Variants in LRBA observed in about 807,000 individuals in gnomAD.
LRBA encodes the protein LPS responsive beige-like anchor protein.
In LRBA, 176 loss-of-function variants were observed where a neutral mutation model predicts 330.0. That is an observed-to-expected ratio of 0.53 (90% CI 0.47 to 0.60). The LOEUF is 0.60. Ranked by LOEUF, LRBA falls within the 20% of genes least tolerant of loss-of-function variation. The pLI is 0.00. For synonymous variants in LRBA, 1,230 were observed against 1,193.0 expected (o/e 1.03, Z -0.64); for missense variants, 3,259 against 3,444.8 (o/e 0.95, Z 1.35).
intron 36 of LRBA, among the ~76,000 whole-genome samples, chr4:150,689,783 G>C (rs987048174): frequency 6.6e-6 from 1 of 152,032 alleles, no homozygotes; most frequent in Admixed American, 6.6e-5. Flanking sequence ...AAATTAGCCC[G>C]GTGTGGTGGC....
At chr4:150,844,588 T>A in intron 27 of LRBA, 70 bp downstream of exon 27, 1 of 1,385,700 alleles carries the variant, frequency 7.2e-7, no homozygotes. Flanking sequence ...TATGTTGAAA[T>A]GAACAAATAA....
At position 150,459,604 on chromosome 4, in the gene LRBA, T is replaced by A. The variant is rs937980437; in HGVS notation, c.6780+8069A>T. 2.0e-5 allele frequency among the ~76,000 whole-genome samples: 3 copies of A among 152,058 alleles called. No individual in the cohort carries two copies. In the East Asian group the frequency reaches 5.8e-4, roughly 29 times the overall value. ...AAGGAATTAAATGAAACAGCATATG[T>A]AAAATGCCTGTCATAGTGGAAAGCA... is the stretch of plus-strand genomic sequence containing the variant. On this transcript the variant is annotated intron_variant, in intron 44 of 56. Coordinates refer to ENST00000651943, the MANE Select transcript of LRBA (RefSeq NM_001364905.1).
chr4:150,403,759 C>A (rs923094974), intron 47 of LRBA, among the ~76,000 whole-genome samples: 2 of 152,128 alleles, frequency 1.3e-5, no homozygotes, highest in Non-Finnish European at 2.9e-5. Context: ...CGGTGGCTCA[C>A]ACCTGTAATC....
chr4:150,485,434 T>C (rs1025104475), intron 42 of LRBA, among the ~76,000 whole-genome samples: 1 of 151,972 alleles, frequency 6.6e-6, no homozygotes, highest in African/African-American at 2.4e-5. Context: ...AGCTATATAT[T>C]GAAGAGCTAC....
chr4:150,885,566 A>AGC (rs1029014383), intron 17 of LRBA, among the ~76,000 whole-genome samples: 1 of 152,152 alleles, frequency 6.6e-6, no homozygotes, highest in Admixed American at 6.6e-5. Flanking sequence ...GGTTGTAGTG[A>AGC]GCCAAGACCA....
At chr4:150,969,864 T>C (rs941144891) in intron 2 of LRBA, among the ~76,000 whole-genome samples, 1 of 152,192 alleles carries the variant, frequency 6.6e-6, no homozygotes, top group Non-Finnish European at 1.5e-5. Flanking sequence ...TAAATTTAGT[T>C]GATAACGCAG....
intron 28 of LRBA, among the ~76,000 whole-genome samples, chr4:150,836,357 AAT>A (rs1748075474): frequency 6.6e-6 from 1 of 152,040 alleles, no homozygotes; most frequent in African/African-American, 2.4e-5. Context: ...TATTGATTGG[AAT>A]AGTTTCAGAA....
intron 37 of LRBA, among the ~76,000 whole-genome samples, chr4:150,621,424 A>T (rs1344580854): frequency 6.6e-6 from 1 of 152,218 alleles, no homozygotes; most frequent in Non-Finnish European, 1.5e-5. Flanking sequence ...ACTACATAAT[A>T]GTACTATAAA....
intron 48 of LRBA, among the ~76,000 whole-genome samples, chr4:150,330,583 GCAAC>G (rs1561023752): frequency 6.6e-6 from 1 of 152,110 alleles, no homozygotes; most frequent in Non-Finnish European, 1.5e-5. Context: ...TAGGGAGCGT[GCAAC>G]CGAGATCCCT....
At chr4:150,726,394 C>T (rs1273528066) in intron 36 of LRBA, among the ~76,000 whole-genome samples, 1 of 151,992 alleles carries the variant, frequency 6.6e-6, no homozygotes, top group South Asian at 2.1e-4. Flanking sequence ...TAAAAAGAGA[C>T]AAAGACGGTC....
chr4:150,665,340 G>A (rs1271857801), intron 37 of LRBA, among the ~76,000 whole-genome samples: 1 of 152,184 alleles, frequency 6.6e-6, no homozygotes, highest in Non-Finnish European at 1.5e-5. Context: ...TCTAAGCACA[G>A]TGAGCCACTC....
chr4:150,741,271 C>T lies in LRBA; in HGVS notation c.5646-5905G>A, dbSNP rs575190827. Among the ~76,000 whole-genome samples, 8 of 152,066 alleles carry T rather than the reference C, an allele frequency of 5.3e-5. No homozygotes were observed. The East Asian group carries it at 5.8e-4, about 11-fold the overall frequency. On this transcript the variant is annotated intron_variant, in intron 35 of 56. Coordinates refer to ENST00000651943, the MANE Select transcript of LRBA (RefSeq NM_001364905.1). ...ATATACTTGGAAAAATTACAACCAA[C>T]GAGGAACTGCTATCTTAAATATATT...
intron 36 of LRBA, among the ~76,000 whole-genome samples, chr4:150,733,158 A>C (rs1730692168): frequency 6.6e-6 from 1 of 152,102 alleles, no homozygotes; most frequent in South Asian, 2.1e-4. Context: ...TGACTTGAGA[A>C]AAATGAACAT....
chr4:150,561,413 C>A (rs951421876), intron 40 of LRBA, among the ~76,000 whole-genome samples: 16 of 152,234 alleles, frequency 1.1e-4, no homozygotes, highest in South Asian at 6.2e-4. Context: ...ATTACAGTTG[C>A]AAATGGAATA....
At chr4:150,503,998 G>A (rs1282865909) in intron 40 of LRBA, among the ~76,000 whole-genome samples, 1 of 152,196 alleles carries the variant, frequency 6.6e-6, no homozygotes, top group Non-Finnish European at 1.5e-5. Context: ...ATCAGTGATG[G>A]AAGACAAAAC....
At position 150,893,121 on chromosome 4, in the gene LRBA, A is replaced by G; in HGVS notation, c.2096T>C (p.Leu699Pro). 6.2e-7 allele frequency: 1 copy of G among 1,611,656 alleles called. No homozygotes were observed. ...GTGTTCTGACATTAATGCAACAAGC[A>G]GCTGTAGGACATCCATTAGATTGTC... Reference protein sequence around the residue: ...EDDNLMDVLQLLVALMSEHPN... With the variant: ...EDDNLMDVLQPLVALMSEHPN... The change falls in exon 17 of 57, where the codon CTG becomes CCG. Residue 699 changes from leucine (L) to proline (P), a missense_variant. Coordinates refer to ENST00000651943, the MANE Select transcript of LRBA (RefSeq NM_001364905.1).
At chr4:150,891,118 A>C (rs1190849070) in intron 17 of LRBA, among the ~76,000 whole-genome samples, 1 of 152,214 alleles carries the variant, frequency 6.6e-6, no homozygotes, top group Non-Finnish European at 1.5e-5. Context: ...GTGTACAAAG[A>C]AACAAACAAG....
At position 150,436,108 on chromosome 4, in the gene LRBA, C is replaced by T. The variant is rs1189062815; in HGVS notation, c.6922-400G>A. Among the ~76,000 whole-genome samples the T allele has an allele frequency of 3.9e-5, 6 of 152,028 alleles. No individual in the cohort carries two copies. In the East Asian group the frequency reaches 1.2e-3, roughly 29 times the overall value. Reference sequence around the variant, plus strand: ...AAAAATGTTTGGATGATTTAAAAGCCTCCTCTTAGTTAAAGAACACTTAAA... The same window carrying T: ...AAAAATGTTTGGATGATTTAAAAGCTTCCTCTTAGTTAAAGAACACTTAAA... On this transcript the variant is annotated intron_variant, in intron 45 of 56. Transcript: ENST00000651943.
At chr4:150,518,445 C>T (rs954201497) in intron 40 of LRBA, among the ~76,000 whole-genome samples, 5 of 152,140 alleles carry the variant, frequency 3.3e-5, no homozygotes, top group African/African-American at 1.2e-4. Flanking sequence ...AAAGCAAAAC[C>T]ATGGATAAGG....
Sources: allele counts gnomAD v4.1 joint callset (sites outside exome capture counted in the v4.1 genomes callset), GRCh38; gene constraint gnomAD v4.1.1; transcripts MANE v1.5; gene names NCBI Gene and HGNC (gene_info 2026-07-23, HGNC 2026-07-21).